Variants in FANCC observed in about 807,000 individuals in gnomAD.
FANCC encodes Fanconi anemia group C protein.
Under a neutral mutation model 71.3 loss-of-function variants are expected in FANCC, and 55 were observed. The ratio of observed to expected loss-of-function variants is 0.77; its 90% confidence interval spans 0.62 to 0.97. The LOEUF (loss-of-function observed/expected upper bound fraction) is 0.97, where lower values mean the gene tolerates loss of function less well. FANCC is among the 50% of genes least tolerant of loss of function. The pLI, the probability that FANCC is intolerant of heterozygous loss-of-function variation, is 0.00. For missense variants in FANCC, 678 were observed against 670.9 expected (o/e 1.01, Z -0.12); for synonymous variants, 275 against 244.9 (o/e 1.12, Z -1.15).
chr9:95,112,874 G>A (rs558228329), intron 12 of FANCC, among the ~76,000 whole-genome samples: 2 of 152,362 alleles, frequency 1.3e-5, no homozygotes, highest in East Asian at 1.9e-4. Flanking sequence ...AGCACCACAT[G>A]CGCCCTTTCT....
intron 4 of FANCC, among the ~76,000 whole-genome samples, chr9:95,188,746 G>A (rs774965470): frequency 3.9e-5 from 6 of 151,982 alleles, no homozygotes; most frequent in South Asian, 2.1e-4. Context: ...CTGTTCTCTC[G>A]CATTTTTATG....
chr9:95,123,872 G>A, intron 10 of FANCC: 1 of 563,488 alleles, frequency 1.8e-6, no homozygotes, highest in Non-Finnish European at 3.4e-6. Context: ...CACGTAAGGA[G>A]TTGAGTCCTT....
At chr9:95,279,532 C>A (rs1206509672) in intron 1 of FANCC, among the ~76,000 whole-genome samples, 1 of 150,514 alleles carries the variant, frequency 6.6e-6, no homozygotes, top group Non-Finnish European at 1.5e-5. Flanking sequence ...ATAATACTTA[C>A]TTAAAAGAGC....
intron 1 of FANCC, among the ~76,000 whole-genome samples, chr9:95,261,639 G>T (rs749353412): frequency 2.0e-5 from 3 of 152,158 alleles, no homozygotes; most frequent in Non-Finnish European, 2.9e-5. Context: ...AACAAACCAT[G>T]ATTTCACCTT....
At chr9:95,159,129 C>T (rs1430335401) in intron 6 of FANCC, among the ~76,000 whole-genome samples, 1 of 152,048 alleles carries the variant, frequency 6.6e-6, no homozygotes, top group African/African-American at 2.4e-5. Flanking sequence ...GTTTGCTGCA[C>T]CCATTACCTC....
At chr9:95,258,514 A>T (rs985919533) in intron 1 of FANCC, among the ~76,000 whole-genome samples, 1 of 152,234 alleles carries the variant, frequency 6.6e-6, no homozygotes. Context: ...AACTCTCAAT[A>T]AACTAGGTAT....
At chr9:95,226,775 A>G (rs1168511078) in intron 4 of FANCC, among the ~76,000 whole-genome samples, 6 of 152,308 alleles carry the variant, frequency 3.9e-5, no homozygotes, top group African/African-American at 1.4e-4. Flanking sequence ...GCAGGGGAGG[A>G]ACAAGTGCAA....
At chr9:95,175,828 G>T (rs935250039) in intron 4 of FANCC, among the ~76,000 whole-genome samples, 1 of 152,254 alleles carries the variant, frequency 6.6e-6, no homozygotes, top group African/African-American at 2.4e-5. Flanking sequence ...AGCCCGGCCA[G>T]GTCTGGCCAG....
intron 6 of FANCC, among the ~76,000 whole-genome samples, chr9:95,166,566 T>C (rs768099305): frequency 2.6e-5 from 4 of 152,184 alleles, no homozygotes; most frequent in Admixed American, 6.5e-5. Flanking sequence ...CACAGTTTAA[T>C]AGTTATTTTT....
At chr9:95,154,142 A>G (rs918432410) in intron 6 of FANCC, among the ~76,000 whole-genome samples, 1 of 147,628 alleles carries the variant, frequency 6.8e-6, no homozygotes, top group Non-Finnish European at 1.5e-5. Flanking sequence ...GCTACTCAGG[A>G]GGCTGAGACA....
intron 1 of FANCC, among the ~76,000 whole-genome samples, chr9:95,272,282 C>T (rs1007823892): frequency 2.0e-5 from 3 of 152,062 alleles, no homozygotes; most frequent in Non-Finnish European, 4.4e-5. Flanking sequence ...CATTTTAACA[C>T]ATTTTATGTA....
At chr9:95,271,857 T>C (rs114198353) in intron 1 of FANCC, among the ~76,000 whole-genome samples, 1,543 of 149,676 alleles carry the variant, frequency 0.01, 29 homozygotes, top group African/African-American at 0.037. Context: ...TAAAAGTTTA[T>C]CACCTGACTC....
intron 7 of FANCC, among the ~76,000 whole-genome samples, chr9:95,138,802 T>C (rs1408022328): frequency 1.3e-5 from 2 of 152,224 alleles, no homozygotes; most frequent in Non-Finnish European, 2.9e-5. Flanking sequence ...CGACCCATCC[T>C]GCTTAGCATA....
intron 4 of FANCC, among the ~76,000 whole-genome samples, chr9:95,195,023 C>T (rs1394583777): frequency 6.6e-5 from 10 of 151,932 alleles, no homozygotes; most frequent in Admixed American, 6.6e-4. Flanking sequence ...CATGGTGAAA[C>T]CCCGTCTCTA....
intron 1 of FANCC, among the ~76,000 whole-genome samples, chr9:95,268,375 A>G (rs1056394785): frequency 1.3e-5 from 2 of 152,238 alleles, no homozygotes; most frequent in African/African-American, 4.8e-5. Context: ...GGAGTAAAGC[A>G]ATGGGCTCCT....
chr9:95,248,869 G>C lies in FANCC; in HGVS notation c.165+258C>G, dbSNP rs538524699. ...AATCCCATTTACTACTTGACAACAAGCATGAAATCTTGATTATTTAAGAAC... is the reference window on the plus strand; with the variant it reads ...AATCCCATTTACTACTTGACAACAACCATGAAATCTTGATTATTTAAGAAC... On this transcript the variant is annotated intron_variant, in intron 2 of 14. Transcript: ENST00000289081. Among the ~76,000 whole-genome samples, 13 of 152,248 alleles carry C rather than the reference G, an allele frequency of 8.5e-5. 1 individual carries two copies. The South Asian group carries it at 2.5e-3, about 29-fold the overall frequency.
rs576801883 is a variant in FANCC, at chr9:95,315,738, C to T, written c.-79+1788G>A. Among the ~76,000 whole-genome samples the T allele has an allele frequency of 3.3e-5, 5 of 152,298 alleles. No homozygotes were observed. The South Asian group carries it at 1.0e-3, about 32-fold the overall frequency. On this transcript the variant is annotated intron_variant, in intron 1 of 14. Transcript: ENST00000289081. ...GCCCGATTTGAGGCCCTAACACTAC[C>T]AACTTGGAACTACCACTCATGTGAG...
At chr9:95,159,185 C>T (rs888976482) in intron 6 of FANCC, among the ~76,000 whole-genome samples, 2 of 152,114 alleles carry the variant, frequency 1.3e-5, no homozygotes, top group African/African-American at 2.4e-5. Flanking sequence ...CTCCCCTTGC[C>T]CCCCACTCCA....
In FANCC at chr9:95,292,806, A is replaced by G. The variant is rs763658436; in HGVS notation, c.-79+24720T>C. On this transcript the variant is annotated intron_variant, in intron 1 of 14. Transcript: ENST00000289081. Reference sequence around the variant, plus strand: ...TTCTCTCGTAAAACAGCACTTTATGAAAATCCATGCTGAGAAGAAGCACAA... The same window carrying G: ...TTCTCTCGTAAAACAGCACTTTATGGAAATCCATGCTGAGAAGAAGCACAA... 159 of 1,571,460 alleles carry G rather than the reference A, an allele frequency of 1.0e-4. 1 individual carries two copies. The Middle Eastern group carries it at 3.4e-3, about 34-fold the overall frequency.
Sources: allele counts gnomAD v4.1 joint callset (sites outside exome capture counted in the v4.1 genomes callset), GRCh38; gene constraint gnomAD v4.1.1; transcripts MANE v1.5; gene names NCBI Gene and HGNC (gene_info 2026-07-23, HGNC 2026-07-21).